TRAK1: variants seen among roughly 807,000 people sequenced by gnomAD.
TRAK1 encodes trafficking kinesin protein 1.
TRAK1 carries 33 observed loss-of-function variants against 92.1 expected under a neutral mutation model. The ratio of observed to expected loss-of-function variants is 0.36; its 90% confidence interval spans 0.27 to 0.48. The LOEUF is 0.48. TRAK1 is among the 20% of genes least tolerant of loss of function. The pLI, the probability that TRAK1 is intolerant of heterozygous loss-of-function variation, is 0.99. For synonymous variants in TRAK1, 521 were observed against 517.3 expected (o/e 1.01, Z -0.10); for missense variants, 1,123 against 1,257.9 (o/e 0.89, Z 1.62).
At chr3:42,074,145 T>G (rs1252810193) in intron 1 of TRAK1, among the ~76,000 whole-genome samples, 1 of 152,190 alleles carries the variant, frequency 6.6e-6, no homozygotes, top group Non-Finnish European at 1.5e-5. Flanking sequence ...GCAAGCAGTG[T>G]CTTTGGATCC....
intron 1 of TRAK1, among the ~76,000 whole-genome samples, chr3:42,053,589 G>A (rs576421185): frequency 3.3e-5 from 5 of 151,970 alleles, no homozygotes; most frequent in East Asian, 1.9e-4. Flanking sequence ...TCCTCACCCC[G>A]CCCCCAGGAT....
intron 2 of TRAK1, among the ~76,000 whole-genome samples, chr3:42,172,570 C>A (rs1260592953): frequency 6.6e-6 from 1 of 152,146 alleles, no homozygotes; most frequent in East Asian, 1.9e-4. Flanking sequence ...TATTGCATAA[C>A]CCCCCTTCAA....
chr3:42,149,631 A>T (rs1417676921), intron 2 of TRAK1: 3 of 1,535,812 alleles, frequency 2.0e-6, no homozygotes, highest in African/African-American at 1.4e-5. Flanking sequence ...CAGAGCCGGG[A>T]TGTATAGGGG....
intron 2 of TRAK1, among the ~76,000 whole-genome samples, chr3:42,163,773 A>T (rs1177421543): frequency 1.3e-5 from 2 of 152,068 alleles, no homozygotes; most frequent in Non-Finnish European, 2.9e-5. Flanking sequence ...TTTGCCTTGT[A>T]TTTGTCATCT....
intron 12 of TRAK1, among the ~76,000 whole-genome samples, chr3:42,201,269 GGCAACATT>G (rs1707510369): frequency 1.3e-5 from 2 of 152,128 alleles, no homozygotes; most frequent in South Asian, 4.1e-4. Context: ...GACCAGCCTG[GGCAACATT>G]GCAAAATCCC....
upstream of TRAK1, among the ~76,000 whole-genome samples, chr3:42,088,764 TCTTTA>T (rs1245949903): frequency 8.5e-5 from 13 of 152,152 alleles, no homozygotes; most frequent in Admixed American, 8.5e-4. Context: ...GGAAGTACAG[TCTTTA>T]CTTGGCTTCT....
At chr3:42,194,775 C>T (rs954387168) in intron 9 of TRAK1, 29 bp from the exon 10 acceptor site, 2 of 1,610,672 alleles carry the variant, frequency 1.2e-6, no homozygotes, top group African/African-American at 2.7e-5. Flanking sequence ...TCAGGAGATC[C>T]TGACCCTCTG....
intron 2 of TRAK1, among the ~76,000 whole-genome samples, chr3:42,140,038 C>T (rs1698457248): frequency 1.3e-5 from 2 of 152,198 alleles, no homozygotes; most frequent in Admixed American, 6.5e-5. Context: ...CTACCACACC[C>T]AAGCCCTTTT....
rs969595925 is a variant in TRAK1 at position 42,223,971 on chromosome 3, G to C, written c.*234G>C. 4 of 642,878 alleles carry C rather than the reference G, an allele frequency of 6.2e-6. No homozygotes were observed. The Admixed American group carries it at 7.5e-5, about 12-fold the overall frequency. The allele number at this position is 642,878 out of a possible 1,614,324, so 39.8% of individuals were successfully genotyped here. A position where few individuals can be genotyped will look rare whatever the true frequency, so the allele number is the denominator to read the frequency against. On this transcript the variant is annotated 3_prime_UTR_variant, in exon 16 of 16. Transcript: ENST00000327628. This position sits in a 1 kb window ranked among gnomAD's most constrained non-coding sequence, Gnocchi z 6.1. ...CCTGCTCTTTCTTCCGATCCCACAG[G>C]AAGTGCCCCTGCACTGTCATCACTC...
intron 1 of TRAK1, among the ~76,000 whole-genome samples, chr3:42,113,350 T>TCCTACG (rs1298958465): frequency 6.1e-5 from 9 of 147,430 alleles, no homozygotes; most frequent in East Asian, 2.1e-4. Context: ...CTACTCCTAC[T>TCCTACG]CCTACGCCTA....
chr3:42,035,657 A>G (rs891314003), intron 1 of TRAK1, among the ~76,000 whole-genome samples: 2 of 152,108 alleles, frequency 1.3e-5, no homozygotes, highest in African/African-American at 4.8e-5. Context: ...TGGCTGCTCT[A>G]ATGTTTTCTC....
rs1035266384 is a variant in TRAK1 at position 42,224,159 on chromosome 3, C to G, written c.*422C>G. The G allele has an allele frequency of 2.2e-6, 1 of 452,652 alleles. No homozygotes were observed. The highest frequency in any genetic ancestry group is 4.4e-6 in the Non-Finnish European group (1 of 226,344). The allele number at this position is 452,652 out of a possible 1,614,324, so 28.0% of individuals were successfully genotyped here. A position where few individuals can be genotyped will look rare whatever the true frequency, so the allele number is the denominator to read the frequency against. On this transcript the variant is annotated 3_prime_UTR_variant, in exon 16 of 16. Transcript: ENST00000327628. ...AGCTGTCACGCGGCACGGGTCATAA[C>G]ACATCTGGGTGTCATCGGACACCTC... is the stretch of plus-strand genomic sequence containing the variant.
At chr3:42,203,049 A>G in intron 13 of TRAK1, 1 of 1,239,790 alleles carries the variant, frequency 8.1e-7, no homozygotes, top group South Asian at 4.1e-5. Flanking sequence ...CCTTAGAAAT[A>G]AAAACTTTTG....
chr3:42,199,310 A>T, intron 11 of TRAK1, 57 bp downstream of exon 11: 4 of 1,574,932 alleles, frequency 2.5e-6, no homozygotes, highest in Non-Finnish European at 3.5e-6. Context: ...GGACCAGTGC[A>T]GTGTTCAAAA....
chr3:42,023,998 G>A (rs552464717), intron 1 of TRAK1, among the ~76,000 whole-genome samples: 68 of 152,036 alleles, frequency 4.5e-4, no homozygotes, highest in African/African-American at 1.6e-3. Flanking sequence ...CAGGTGATTC[G>A]CCCTCCTTGG....
At chr3:42,131,910 A>C (rs894879360) in intron 2 of TRAK1, among the ~76,000 whole-genome samples, 1 of 151,178 alleles carries the variant, frequency 6.6e-6, no homozygotes, top group African/African-American at 2.4e-5. Flanking sequence ...ATTAAAAAAA[A>C]AAAAAAAAAA....
In TRAK1 at chr3:42,225,386, C is replaced by T. The variant is rs532543606; in HGVS notation, c.*1649C>T. ...CCCTAAGGAACAAGCCTCAGTCCCA[C>T]GGTTTCAGACTATTTATTCTCTGAA... On this transcript the variant is annotated 3_prime_UTR_variant, in exon 16 of 16. Transcript: ENST00000327628. 1.3e-5 allele frequency: 2 copies of T among 152,340 alleles called. No homozygotes were observed. The highest frequency in any genetic ancestry group is 1.3e-4 in the Admixed American group (2 of 15,306). 9.4% of individuals were successfully genotyped at this position (152,340 alleles called of 1,614,324 possible).
chr3:42,021,567 G>A (rs1251762077), intron 1 of TRAK1, among the ~76,000 whole-genome samples: 1 of 152,074 alleles, frequency 6.6e-6, no homozygotes, highest in Non-Finnish European at 1.5e-5. Context: ...TACCTTATAT[G>A]ATAACCTCAT....
intron 1 of TRAK1, among the ~76,000 whole-genome samples, chr3:42,079,117 A>G (rs1704304700): frequency 6.6e-6 from 1 of 152,230 alleles, no homozygotes; most frequent in Non-Finnish European, 1.5e-5. Context: ...TGCATGCTGG[A>G]TTTCCAATAT....
Sources: allele counts gnomAD v4.1 joint callset (sites outside exome capture counted in the v4.1 genomes callset), GRCh38; gene constraint gnomAD v4.1.1; non-coding constraint Gnocchi (gnomAD v3.1); transcripts MANE v1.5; gene names NCBI Gene and HGNC (gene_info 2026-07-23, HGNC 2026-07-21).